The following CFAP20DC variants were observed in gnomAD, a reference collection of about 807,000 sequenced individuals.
The protein encoded by CFAP20DC is protein CFAP20DC.
A neutral mutation model predicts 101.7 loss-of-function variants in CFAP20DC; 84 were observed. That is an observed-to-expected ratio of 0.83 (90% confidence interval 0.69 to 0.99). CFAP20DC has a LOEUF of 0.99. Ranked by LOEUF, CFAP20DC falls within the 50% of genes least tolerant of loss-of-function variation. CFAP20DC has a pLI of 0.00. For synonymous variants in CFAP20DC, 359 were observed against 351.2 expected (o/e 1.02, Z -0.25); for missense variants, 1,007 against 970.3 (o/e 1.04, Z -0.50).
rs2093664058 is a variant in CFAP20DC at position 59,015,213 on chromosome 3, G to A, written c.278+24344C>T. On this transcript the variant is annotated intron_variant, in intron 4 of 16. Coordinates refer to ENST00000482387, the MANE Select transcript of CFAP20DC (RefSeq NM_001394063.1). The surrounding 1 kb of genome is among the most constrained non-coding windows in gnomAD (Gnocchi z 5.4). ...GATGTCTGTAGTTAGCAGCCAGGAT[G>A]ATAGAACTAGCATTTACCATTTCCT... is the stretch of plus-strand genomic sequence containing the variant. Among the ~76,000 whole-genome samples, 1 of 152,044 alleles carries A rather than the reference G, an allele frequency of 6.6e-6. No individual in the cohort carries two copies. The highest frequency in any genetic ancestry group is 1.5e-5 in the Non-Finnish European group (1 of 67,982).
At chr3:58,988,461 G>A (rs888256453) in intron 4 of CFAP20DC, among the ~76,000 whole-genome samples, 3 of 152,140 alleles carry the variant, frequency 2.0e-5, no homozygotes, top group African/African-American at 7.2e-5. Context: ...TGGTAACTCA[G>A]GGACTTAGGC....
chr3:58,815,325 A>T (rs1473031751), intron 14 of CFAP20DC, among the ~76,000 whole-genome samples: 2 of 148,434 alleles, frequency 1.3e-5, no homozygotes, highest in Non-Finnish European at 3.0e-5. Flanking sequence ...CTGAAACTGG[A>T]TCCCTTCCTT....
At chr3:58,898,723 T>G (rs2082884170) in intron 6 of CFAP20DC, among the ~76,000 whole-genome samples, 1 of 152,198 alleles carries the variant, frequency 6.6e-6, no homozygotes, top group Admixed American at 6.5e-5. Flanking sequence ...TTTGTGCCAT[T>G]GCTGGAGAGC....
At chr3:58,884,433 A>C in intron 7 of CFAP20DC, 112 bp downstream of exon 7, 1 of 954,784 alleles carries the variant, frequency 1.0e-6, no homozygotes, top group Non-Finnish European at 1.6e-6. Context: ...ATACTCTGTT[A>C]AGTGCGAAGG....
In CFAP20DC at chr3:58,884,628, T is replaced by C. The variant is rs764261927; in HGVS notation, c.632A>G (p.His211Arg). Residue 211 changes from histidine (H) to arginine (R), a missense_variant, in exon 7 of 17, where the codon CAT becomes CGT. His to Arg is a conservative substitution (Grantham distance 29). Coordinates refer to ENST00000482387, the MANE Select transcript of CFAP20DC (RefSeq NM_001394063.1). ...AGTCATGTTTAGCAGCTGTGTGACATGTGGAACATCTGTCATTAGTTGACA... is the reference window on the plus strand; with the variant it reads ...AGTCATGTTTAGCAGCTGTGTGACACGTGGAACATCTGTCATTAGTTGACA... ...RSCQLMTDVP[H>R]VTQLLNMTKL... The C allele has an allele frequency of 2.4e-5, 39 of 1,613,846 alleles. No homozygotes were observed. Among genetic ancestry groups the C allele is most frequent in the Middle Eastern group, 3.3e-4 (2 of 6,084 alleles).
chr3:58,980,133 T>C (rs1233299000), intron 4 of CFAP20DC, among the ~76,000 whole-genome samples: 1 of 152,122 alleles, frequency 6.6e-6, no homozygotes, highest in South Asian at 2.1e-4. Flanking sequence ...ATATATCCCT[T>C]CTTAAATTCA....
chr3:58,887,547 A>C (rs2081755625), intron 6 of CFAP20DC: 1 of 152,236 alleles, frequency 6.6e-6, no homozygotes, highest in South Asian at 2.1e-4. Context: ...TTGAATTTAC[A>C]ACTAACAAGA....
At chr3:58,813,436 G>C (rs970134107) in intron 14 of CFAP20DC, among the ~76,000 whole-genome samples, 37 of 151,900 alleles carry the variant, frequency 2.4e-4, no homozygotes, top group Non-Finnish European at 5.1e-4. Context: ...TTTAGAGTTT[G>C]CTATACATGT....
chr3:58,738,792 G>A (rs887166281), downstream of CFAP20DC, among the ~76,000 whole-genome samples: 13 of 152,142 alleles, frequency 8.5e-5, no homozygotes, highest in Non-Finnish European at 1.8e-4. This position sits in a 1 kb window ranked among gnomAD's most constrained non-coding sequence, Gnocchi z 4.4. Flanking sequence ...TGGCCATTTT[G>A]ATTGAAGTTT....
chr3:58,949,102 G>C (rs562078902), intron 4 of CFAP20DC, among the ~76,000 whole-genome samples: 57 of 152,192 alleles, frequency 3.7e-4, no homozygotes, highest in Admixed American at 9.2e-4. Flanking sequence ...ATTCTCTGAT[G>C]GTAGTTTGTA....
chr3:59,024,653 C>A (rs1024858012), intron 4 of CFAP20DC, among the ~76,000 whole-genome samples: 1 of 152,046 alleles, frequency 6.6e-6, no homozygotes, highest in Non-Finnish European at 1.5e-5. Flanking sequence ...AAATGAGGAA[C>A]CCTAGAGACA....
chr3:58,885,307 C>A (rs1417383230), intron 6 of CFAP20DC, among the ~76,000 whole-genome samples: 1 of 151,864 alleles, frequency 6.6e-6, no homozygotes, highest in Non-Finnish European at 1.5e-5. Flanking sequence ...ATTTTAATTT[C>A]ATTCATGTAT....
At chr3:58,783,330 G>GA (rs1458786423) in intron 15 of CFAP20DC, among the ~76,000 whole-genome samples, 3 of 151,624 alleles carry the variant, frequency 2.0e-5, no homozygotes, top group South Asian at 4.2e-4. Context: ...AAAACTGGTA[G>GA]AAAAAAACAG....
At chr3:58,966,794 C>A (rs1289682868) in intron 4 of CFAP20DC, among the ~76,000 whole-genome samples, 1 of 151,668 alleles carries the variant, frequency 6.6e-6, no homozygotes, top group African/African-American at 2.4e-5. Flanking sequence ...CAGGATGCTG[C>A]GATTACAGGC....
intron 12 of CFAP20DC, among the ~76,000 whole-genome samples, chr3:58,858,012 C>A (rs575782774): frequency 2.2e-4 from 33 of 152,152 alleles, no homozygotes; most frequent in Non-Finnish European, 4.0e-4. Flanking sequence ...TGTATCATGA[C>A]CTGGTTGAAA....
At position 58,863,621 on chromosome 3, in the gene CFAP20DC, G is replaced by A; in HGVS notation, c.1530C>T (p.Asn510=). 1 of 1,614,142 alleles carries A rather than the reference G, an allele frequency of 6.2e-7. No homozygotes were observed. ...ATTGGGTGTCTCTGCTTGTCACACT[G>A]TTATCCTCTTTTAGATCCAAAATAA... is the stretch of plus-strand genomic sequence containing the variant. The part of the protein sequence containing the change: ...LSFILDLKED[N]SVTSRDTQSE... Residue 510 remains asparagine, a synonymous_variant, in exon 12 of 17, where the codon AAC becomes AAT. Coordinates refer to ENST00000482387, the MANE Select transcript of CFAP20DC (RefSeq NM_001394063.1). This position sits in a 1 kb window ranked among gnomAD's most constrained non-coding sequence, Gnocchi z 5.9.
intron 4 of CFAP20DC, among the ~76,000 whole-genome samples, chr3:58,981,213 A>G (rs1425306042): frequency 1.3e-5 from 2 of 152,216 alleles, no homozygotes; most frequent in African/African-American, 4.8e-5. Flanking sequence ...AAAAGAATAC[A>G]AACAAATGAA....
intron 4 of CFAP20DC, among the ~76,000 whole-genome samples, chr3:58,946,035 T>C (rs2089308355): frequency 6.6e-6 from 1 of 151,748 alleles, no homozygotes; most frequent in Admixed American, 6.6e-5. Flanking sequence ...ATTTTTTTCC[T>C]TTGGTTTCTT....
At chr3:58,758,472 T>C (rs2069170601) in intron 15 of CFAP20DC, among the ~76,000 whole-genome samples, 1 of 152,152 alleles carries the variant, frequency 6.6e-6, no homozygotes, top group Admixed American at 6.6e-5. Context: ...GTTCCACCAT[T>C]TCCATACTTG....
Sources: allele counts gnomAD v4.1 joint callset (sites outside exome capture counted in the v4.1 genomes callset), GRCh38; gene constraint gnomAD v4.1.1; non-coding constraint Gnocchi (gnomAD v3.1); transcripts MANE v1.5; gene names NCBI Gene and HGNC (gene_info 2026-07-23, HGNC 2026-07-21).